MYRIP: variants seen among roughly 807,000 people sequenced by gnomAD.
The protein encoded by MYRIP is rab effector MyRIP.
MYRIP carries 49 observed loss-of-function variants against 98.0 expected under a neutral mutation model. The observed-to-expected ratio is 0.50, with a 90% CI of 0.40 to 0.63. The LOEUF (loss-of-function observed/expected upper bound fraction) is 0.63, where lower values mean the gene tolerates loss of function less well. Among genes scored for constraint, MYRIP ranks in the 30% least tolerant of loss-of-function variants. The pLI, the probability that MYRIP is intolerant of heterozygous loss-of-function variation, is 0.00. For missense variants in MYRIP, 1,004 were observed against 1,058.2 expected (o/e 0.95, Z 0.71); for synonymous variants, 404 against 409.5 (o/e 0.99, Z 0.16).
At position 39,815,589 on chromosome 3, in the gene MYRIP, G is replaced by A. The variant is rs1458619571; in HGVS notation, c.-31+5673G>A. 2.0e-5 allele frequency among the ~76,000 whole-genome samples: 3 copies of A among 151,968 alleles called. No homozygotes were observed. The South Asian group carries it at 6.2e-4, about 32-fold the overall frequency. ...TTTTTTGTATTCTAATTTTCTATTT[G>A]GCATCTTTGTTGGTTTGTAGATTCT... On this transcript the variant is annotated intron_variant, in intron 1 of 16. Transcript: ENST00000302541.
intron 3 of MYRIP, among the ~76,000 whole-genome samples, chr3:40,129,607 G>A (rs1949598464): frequency 1.3e-5 from 2 of 151,976 alleles, no homozygotes; most frequent in African/African-American, 4.8e-5. Context: ...CTAGCTTCTA[G>A]GCCATGCCCA....
At chr3:39,964,484 T>C (rs1945395618) in intron 2 of MYRIP, among the ~76,000 whole-genome samples, 2 of 152,178 alleles carry the variant, frequency 1.3e-5, no homozygotes, top group South Asian at 2.1e-4. Flanking sequence ...CTATTAGTTA[T>C]TAGGTTACTA....
At chr3:39,996,699 G>C (rs111526120) in intron 2 of MYRIP, among the ~76,000 whole-genome samples, 1 of 152,140 alleles carries the variant, frequency 6.6e-6, no homozygotes, top group African/African-American at 2.4e-5. Context: ...GACATCTACA[G>C]AACTCTCCAC....
In MYRIP at chr3:40,092,546, T is replaced by TGGC. The variant is rs1377187277; in HGVS notation, c.332+48276_332+48278dup. Among the ~76,000 whole-genome samples the TGGC allele has an allele frequency of 2.0e-5, 3 of 152,298 alleles. No homozygotes were observed. In the East Asian group the frequency reaches 5.8e-4, roughly 29 times the overall value. On this transcript the variant is annotated intron_variant, in intron 3 of 16. Coordinates refer to ENST00000302541, the MANE Select transcript of MYRIP (RefSeq NM_015460.4). The stretch of plus-strand genomic sequence containing the variant: ...CGTCTAGGATCCCTCTTTTAACATG[T>TGGC]GGCTCAGGTTGGTCACCCAGAACCC...
intron 3 of MYRIP, among the ~76,000 whole-genome samples, chr3:40,078,167 C>T (rs1418847679): frequency 1.3e-5 from 2 of 152,224 alleles, no homozygotes; most frequent in African/African-American, 4.8e-5. Flanking sequence ...GCCGCTGGCC[C>T]GGGTGCTAAG....
chr3:40,164,959 G>C (rs1222907429), intron 5 of MYRIP, among the ~76,000 whole-genome samples: 1 of 152,202 alleles, frequency 6.6e-6, no homozygotes, highest in South Asian at 2.1e-4. Flanking sequence ...GACTCAGTTT[G>C]TCCATCAGGT....
At chr3:40,076,134 G>C (rs1349339353) in intron 3 of MYRIP, among the ~76,000 whole-genome samples, 2 of 152,332 alleles carry the variant, frequency 1.3e-5, no homozygotes, top group Admixed American at 1.3e-4. Context: ...GAGTCTGGGA[G>C]GTTGAAGTGC....
At chr3:40,024,359 G>A (rs1326816130) in intron 2 of MYRIP, among the ~76,000 whole-genome samples, 1 of 152,164 alleles carries the variant, frequency 6.6e-6, no homozygotes, top group Non-Finnish European at 1.5e-5. Flanking sequence ...GCTGCCCTGA[G>A]CTACCATGAG....
intron 4 of MYRIP, among the ~76,000 whole-genome samples, chr3:40,159,232 T>C (rs927217439): frequency 1.3e-5 from 2 of 151,486 alleles, no homozygotes; most frequent in Non-Finnish European, 3.0e-5. Flanking sequence ...TGTAAAGTAT[T>C]TTATTTCTCC....
intron 3 of MYRIP, among the ~76,000 whole-genome samples, chr3:40,061,578 A>G (rs1013626191): frequency 6.6e-6 from 1 of 152,292 alleles, no homozygotes; most frequent in East Asian, 1.9e-4. Flanking sequence ...AGAATGATTT[A>G]TACTCCTTTG....
intron 2 of MYRIP, among the ~76,000 whole-genome samples, chr3:39,944,387 C>A (rs1944854816): frequency 6.6e-6 from 1 of 151,836 alleles, no homozygotes; most frequent in African/African-American, 2.4e-5. Flanking sequence ...TAAGGAAGTA[C>A]TCTATACTGA....
intron 1 of MYRIP, among the ~76,000 whole-genome samples, chr3:39,876,717 A>C (rs993989059): frequency 1.3e-5 from 2 of 152,080 alleles, no homozygotes; most frequent in Non-Finnish European, 2.9e-5. Flanking sequence ...ATCTGCTGTT[A>C]GTCTGATGGG....
At chr3:40,219,774 GA>G (rs1310006293) in intron 11 of MYRIP, among the ~76,000 whole-genome samples, 1 of 152,002 alleles carries the variant, frequency 6.6e-6, no homozygotes, top group East Asian at 1.9e-4. Context: ...TTGCTATTGT[GA>G]ATAGTGCCAC....
At chr3:39,842,790 C>T (rs1941844715) in intron 1 of MYRIP, among the ~76,000 whole-genome samples, 1 of 152,160 alleles carries the variant, frequency 6.6e-6, no homozygotes, top group Non-Finnish European at 1.5e-5. Flanking sequence ...TGGGCTGCAC[C>T]CACTGTCTAA....
chr3:39,921,158 T>A (rs1944293704), intron 2 of MYRIP, among the ~76,000 whole-genome samples: 1 of 152,200 alleles, frequency 6.6e-6, no homozygotes, highest in Admixed American at 6.5e-5. Flanking sequence ...AATGATGGAA[T>A]TTTGGGGCTA....
rs924899409 is a variant in MYRIP, at chr3:39,809,911, C to T, written c.-36C>T. On this transcript the variant is annotated 5_prime_UTR_variant, in exon 1 of 17. Coordinates refer to ENST00000302541, the MANE Select transcript of MYRIP (RefSeq NM_015460.4). ...TCGCGGACTTGCTTCAGGCTGGCCA[C>T]CCCCCGTGAGTACCGTCCGCCTCCC... The T allele has an allele frequency of 1.3e-5, 2 of 152,322 alleles. No homozygotes were observed. 9.4% of individuals were successfully genotyped at this position (152,322 alleles called of 1,614,324 possible).
At chr3:40,107,238 A>G (rs1399534634) in intron 3 of MYRIP, among the ~76,000 whole-genome samples, 1 of 152,218 alleles carries the variant, frequency 6.6e-6, no homozygotes, top group African/African-American at 2.4e-5. Flanking sequence ...AGAACATTAC[A>G]GTCCTTGCCC....
At chr3:39,895,980 G>A (rs1259169616) in intron 1 of MYRIP, among the ~76,000 whole-genome samples, 2 of 152,040 alleles carry the variant, frequency 1.3e-5, no homozygotes, top group Non-Finnish European at 2.9e-5. Flanking sequence ...TCTCATCCAT[G>A]GATCATCCAA....
Position 39,973,008 on chromosome 3 carries a change from T to C in MYRIP, c.111-71042T>C, listed in dbSNP as rs138061742. On this transcript the variant is annotated intron_variant, in intron 2 of 16. Coordinates refer to ENST00000302541, the MANE Select transcript of MYRIP (RefSeq NM_015460.4). ...TTGCTAAATAAATAGAGAATGTATATATGTGTGTTCATATTGATTTTTAAA... is the reference window on the plus strand; with the variant it reads ...TTGCTAAATAAATAGAGAATGTATACATGTGTGTTCATATTGATTTTTAAA... Among the ~76,000 whole-genome samples, 1,283 of 152,160 alleles carry C rather than the reference T, an allele frequency of 8.4e-3. 10 individuals carry two copies. Among genetic ancestry groups the C allele is most frequent in the Middle Eastern group, 0.031 (9 of 294 alleles).
Sources: allele counts gnomAD v4.1 joint callset (sites outside exome capture counted in the v4.1 genomes callset), GRCh38; gene constraint gnomAD v4.1.1; transcripts MANE v1.5; gene names NCBI Gene and HGNC (gene_info 2026-07-23, HGNC 2026-07-21).